GNB4: variants seen among roughly 807,000 people sequenced by gnomAD.
The protein encoded by GNB4 is G protein subunit beta 4.
In GNB4, 28 loss-of-function variants were observed where a neutral mutation model predicts 45.2. The observed-to-expected ratio is 0.62, with a 90% CI of 0.46 to 0.85. The LOEUF (loss-of-function observed/expected upper bound fraction) is 0.85, where lower values mean the gene tolerates loss of function less well. Ranked by LOEUF, GNB4 falls within the 40% of genes least tolerant of loss-of-function variation. GNB4 has a pLI of 0.00. For synonymous variants in GNB4, 132 were observed against 143.7 expected, an observed-to-expected ratio of 0.92 and a Z score of 0.58; for missense variants, 321 against 425.4, an observed-to-expected ratio of 0.75 and a Z score of 2.16.
At chr3:179,465,796 TTTCTTC>T in the GNB4 span, among the ~76,000 whole-genome samples, 9 of 54,300 alleles carry the variant, frequency 1.7e-4, no homozygotes, top group East Asian at 5.4e-4. Context: ...AGATAATTTT[TTTCTTC>T]TTCTTCTTCT....
intron 1 of GNB4, among the ~76,000 whole-genome samples, chr3:179,445,409 C>T (rs977634588): frequency 5.3e-5 from 8 of 152,092 alleles, no homozygotes; most frequent in Admixed American, 2.0e-4. Context: ...CCTAGCCTTC[C>T]GAGTAGCTGG....
chr3:179,411,740 C>T (rs909816810), intron 8 of GNB4, among the ~76,000 whole-genome samples: 1 of 152,178 alleles, frequency 6.6e-6, no homozygotes, highest in South Asian at 2.1e-4. Context: ...GTTAGCACAG[C>T]ATTTACTTTC....
At chr3:179,484,836 ATGTGTG>A in the GNB4 span, among the ~76,000 whole-genome samples, 37 of 147,084 alleles carry the variant, frequency 2.5e-4, no homozygotes, top group African/African-American at 6.3e-4. Flanking sequence ...AGCTATATAT[ATGTGTG>A]TGTGTGTGTG....
the GNB4 span, among the ~76,000 whole-genome samples, chr3:179,483,657 C>G: frequency 6.6e-6 from 1 of 152,070 alleles, no homozygotes. Flanking sequence ...GACAAAAAGA[C>G]AGTTGTTTCT....
the GNB4 span, among the ~76,000 whole-genome samples, chr3:179,518,955 G>C: frequency 6.6e-6 from 1 of 152,164 alleles, no homozygotes; most frequent in African/African-American, 2.4e-5. Context: ...AATTAACCTC[G>C]CCTTCAAGGT....
At chr3:179,450,755 G>A (rs1254018271) in intron 1 of GNB4, among the ~76,000 whole-genome samples, 3 of 152,138 alleles carry the variant, frequency 2.0e-5, no homozygotes. Context: ...GGAGAGAAAA[G>A]CAAAACACTT....
the GNB4 span, among the ~76,000 whole-genome samples, chr3:179,512,052 G>A: frequency 6.6e-6 from 1 of 152,192 alleles, no homozygotes; most frequent in Non-Finnish European, 1.5e-5. Context: ...AAGTCATCAT[G>A]GCTGATAGAA....
At chr3:179,499,358 A>T in the GNB4 span, among the ~76,000 whole-genome samples, 11 of 151,882 alleles carry the variant, frequency 7.2e-5, no homozygotes, top group Non-Finnish European at 1.3e-4. Flanking sequence ...ACAGGGTTTC[A>T]CCGTGTTAGC....
chr3:179,504,550 G>C, the GNB4 span, among the ~76,000 whole-genome samples: 1 of 152,144 alleles, frequency 6.6e-6, no homozygotes, highest in East Asian at 1.9e-4. Flanking sequence ...CCCACCCCCA[G>C]CTTTAGTGAG....
chr3:179,413,340 G>A, intron 8 of GNB4, 72 bp downstream of exon 8: 1 of 1,192,278 alleles, frequency 8.4e-7, no homozygotes, highest in Non-Finnish European at 1.2e-6. Flanking sequence ...GCAATTTGTT[G>A]TTAAAATCAT....
chr3:179,429,586 A>G (rs1315238782), intron 1 of GNB4, among the ~76,000 whole-genome samples: 2 of 152,190 alleles, frequency 1.3e-5, no homozygotes, highest in Non-Finnish European at 2.9e-5. Flanking sequence ...CCAGTACTTC[A>G]TCAGGCATTC....
At chr3:179,413,809 G>T in intron 6 of GNB4, 28 bp from the exon 7 acceptor site, 1 of 1,553,756 alleles carries the variant, frequency 6.4e-7, no homozygotes, top group Non-Finnish European at 8.9e-7. Flanking sequence ...GCAAATTTTA[G>T]GTTATCACTG....
chr3:179,450,318 G>A (rs115735097), intron 1 of GNB4, among the ~76,000 whole-genome samples: 2,640 of 152,228 alleles, frequency 0.017, 80 homozygotes, highest in African/African-American at 0.06. Context: ...CTAATCAGCC[G>A]TCCTCCTCTC....
chr3:179,521,321 C>T, the GNB4 span, among the ~76,000 whole-genome samples: 1 of 152,160 alleles, frequency 6.6e-6, no homozygotes, highest in Non-Finnish European at 1.5e-5. Flanking sequence ...ACTCACCTCA[C>T]CAACCTCAGC....
intron 1 of GNB4, among the ~76,000 whole-genome samples, chr3:179,431,789 T>C (rs1715318764): frequency 6.6e-6 from 1 of 152,180 alleles, no homozygotes; most frequent in Admixed American, 6.5e-5. Flanking sequence ...TAATGTTTCT[T>C]TGTGCTACTA....
chr3:179,405,401 G>A lies in GNB4; in HGVS notation c.705C>T (p.Phe235=), dbSNP rs779935373. The change falls in exon 9 of 10, where the codon TTC becomes TTT. Residue 235 remains phenylalanine (F), a synonymous_variant. Transcript: ENST00000232564. The part of the protein sequence containing the change: ...HVSDINAVSF[F]PNGYAFATGS... ...CAGTGGCGAAGGCATATCCATTTGG[G>A]AAAAACTAGACAGGAAAGTAACAAA... 3.1e-6 allele frequency: 5 copies of A among 1,606,444 alleles called. No individual in the cohort carries two copies. Among genetic ancestry groups the A allele is most frequent in the Non-Finnish European group, 4.3e-6 (5 of 1,174,752 alleles).
intron 1 of GNB4, among the ~76,000 whole-genome samples, chr3:179,426,765 T>C (rs961143582): frequency 2.0e-5 from 3 of 152,200 alleles, no homozygotes; most frequent in Admixed American, 6.5e-5. Context: ...TAAGAAATTA[T>C]CCAGGTTCTA....
At chr3:179,478,231 T>A in the GNB4 span, among the ~76,000 whole-genome samples, 1 of 152,196 alleles carries the variant, frequency 6.6e-6, no homozygotes, top group African/African-American at 2.4e-5. Flanking sequence ...TAACCCCTCA[T>A]GACTTAATCA....
chr3:179,429,373 C>T (rs141307411), intron 1 of GNB4, among the ~76,000 whole-genome samples: 383 of 152,316 alleles, frequency 2.5e-3, no homozygotes, highest in African/African-American at 8.9e-3. Flanking sequence ...TCACACCATG[C>T]TACTCACCGT....
Sources: gnomAD v4.1 joint callset for allele counts (sites outside exome capture counted in the v4.1 genomes callset) on GRCh38, gnomAD v4.1.1 for gene constraint, MANE v1.5 for transcripts, NCBI Gene and HGNC (gene_info 2026-07-23, HGNC 2026-07-21) for gene names.